Variants in NKAIN1 observed in about 807,000 individuals in gnomAD.
The protein encoded by NKAIN1 is sodium/potassium transporting ATPase interacting 1, also known as sodium/potassium-transporting ATPase subunit beta-1-interacting protein 1.
NKAIN1 carries 13 observed loss-of-function variants against 31.6 expected under a neutral mutation model. The ratio of observed to expected loss-of-function variants is 0.41; its 90% confidence interval spans 0.27 to 0.65. The LOEUF is 0.65. Ranked by LOEUF, NKAIN1 falls within the 30% of genes least tolerant of loss-of-function variation. The probability of loss-of-function intolerance (pLI) is 0.30; values close to 1 mark genes in which losing one functional copy is unlikely to be tolerated. For missense variants in NKAIN1, 193 were observed against 262.2 expected, an observed-to-expected ratio of 0.74 and a Z score of 1.82; for synonymous variants, 104 against 109.0, an observed-to-expected ratio of 0.95 and a Z score of 0.28.
chr1:31,218,068 C>CTTTCTTTCTTTCTTTCTTTCTTTCT (rs71569970), intron 1 of NKAIN1, among the ~76,000 whole-genome samples: 1 of 132,936 alleles, frequency 7.5e-6, no homozygotes, highest in African/African-American at 2.9e-5. Context: ...TTCTTTCTTT[C>CTTTCTTTCTTTCTTTCTTTCTTTCT]TTTTTTTTTT....
intron 1 of NKAIN1, among the ~76,000 whole-genome samples, chr1:31,208,079 G>C (rs1293666092): frequency 6.6e-6 from 1 of 152,126 alleles, no homozygotes; most frequent in Non-Finnish European, 1.5e-5. Flanking sequence ...ACTGGAACTG[G>C]AAACTCTCCC....
intron 1 of NKAIN1, among the ~76,000 whole-genome samples, chr1:31,206,922 A>C (rs1645429491): frequency 6.6e-6 from 1 of 152,008 alleles, no homozygotes; most frequent in Non-Finnish European, 1.5e-5. Context: ...TTTTGTAGAG[A>C]TGGGGTTTCG....
intron 1 of NKAIN1, among the ~76,000 whole-genome samples, chr1:31,227,933 C>T: frequency 6.6e-6 from 1 of 152,272 alleles, no homozygotes; most frequent in South Asian, 2.1e-4. Context: ...CTTCCTGTCC[C>T]CCTGGCCAGC....
chr1:31,217,674 C>T (rs1235252186), intron 1 of NKAIN1, among the ~76,000 whole-genome samples: 1 of 152,212 alleles, frequency 6.6e-6, no homozygotes, highest in African/African-American at 2.4e-5. Context: ...GAATTACACG[C>T]CCAGTCTCCA....
intron 1 of NKAIN1, among the ~76,000 whole-genome samples, chr1:31,230,816 G>A (rs573007118): frequency 6.6e-6 from 1 of 152,082 alleles, no homozygotes; most frequent in African/African-American, 2.4e-5. Flanking sequence ...CGTCACATCA[G>A]GGTAAATCAA....
At chr1:31,230,696 G>C (rs974011197) in intron 1 of NKAIN1, among the ~76,000 whole-genome samples, 1 of 152,046 alleles carries the variant, frequency 6.6e-6, no homozygotes, top group African/African-American at 2.4e-5. Flanking sequence ...CCTGGATCTA[G>C]TGTTCAATTT....
chr1:31,188,421 C>T, intron 1 of NKAIN1: 1 of 490,372 alleles, frequency 2.0e-6, no homozygotes, highest in Non-Finnish European at 3.6e-6. Flanking sequence ...TTCCTCCCTG[C>T]CAAGGAGGCC....
chr1:31,213,589 A>C (rs922381215), intron 1 of NKAIN1, among the ~76,000 whole-genome samples: 8 of 152,362 alleles, frequency 5.3e-5, no homozygotes, highest in Admixed American at 3.9e-4. Flanking sequence ...ACACCTGAGA[A>C]GTGAAAACAA....
chr1:31,226,499 T>A (rs1449543674), intron 1 of NKAIN1, among the ~76,000 whole-genome samples: 1 of 150,910 alleles, frequency 6.6e-6, no homozygotes, highest in African/African-American at 2.4e-5. Flanking sequence ...CGGGGCTCCA[T>A]GGTATGTGCT....
intron 1 of NKAIN1, among the ~76,000 whole-genome samples, chr1:31,230,553 A>T (rs1373740309): frequency 2.6e-5 from 4 of 152,136 alleles, no homozygotes; most frequent in Admixed American, 2.6e-4. Context: ...CTCTAGGGGA[A>T]GTTTGCTTTG....
Position 31,220,110 on chromosome 1 carries a change from C to A in NKAIN1, c.54+19384G>T, listed in dbSNP as rs554011251. On this transcript the variant is annotated intron_variant, in intron 1 of 6. Coordinates refer to ENST00000373736, the MANE Select transcript of NKAIN1 (RefSeq NM_024522.3). ...GCAACCTCTGCCTCCCGGGTTCAAG[C>A]AATTCTCATGCCTCAGCCACCTGAG... Among the ~76,000 whole-genome samples, 509 of 149,306 alleles carry A rather than the reference C, an allele frequency of 3.4e-3. 2 individuals are homozygous for A. Among genetic ancestry groups the A allele is most frequent in the African/African-American group, 0.012 (480 of 40,552 alleles).
Position 31,188,044 on chromosome 1 carries a change from C to A in NKAIN1, c.192+6G>T. ...TTGGCTTGGGAAGGGGCTAGGTGAG[C>A]CGTACCAGGATGAGGTACCGGGAGC... On this transcript the variant is annotated splice_donor_region_variant and intron_variant, in intron 2 of 6. Coordinates refer to ENST00000373736, the MANE Select transcript of NKAIN1 (RefSeq NM_024522.3). 6.4e-7 allele frequency: 1 copy of A among 1,551,992 alleles called. No individual in the cohort carries two copies. The highest frequency in any genetic ancestry group is 8.7e-7 in the Non-Finnish European group (1 of 1,147,256).
At position 31,225,033 on chromosome 1, in the gene NKAIN1, C is replaced by CTTTTCTTTTTTTTTTTTTTTTTTTTTTTT. The variant is rs542671307; in HGVS notation, c.54+14460_54+14461insAAAAAAAAAAAAAAAAAAAAAAAAGAAAA. ...AGCCCATTTCTTTTTCTTTTCTTTT[C>CTTTTCTTTTTTTTTTTTTTTTTTTTTTTT]TTTTTTTTTTTTTGAGACGGACTCT... On this transcript the variant is annotated intron_variant, in intron 1 of 6. Transcript: ENST00000373736. Among the ~76,000 whole-genome samples the CTTTTCTTTTTTTTTTTTTTTTTTTTTTTT allele has an allele frequency of 6.6e-4, 74 of 112,102 alleles. 5 individuals carry two copies. The highest frequency in any genetic ancestry group is 9.1e-4 in the Non-Finnish European group (53 of 58,474). 73.5% of individuals were successfully genotyped at this position (112,102 alleles called of 152,430 possible). A position where few individuals can be genotyped will look rare whatever the true frequency, so the allele number is the denominator to read the frequency against.
At chr1:31,195,462 C>T (rs1029236864) in intron 1 of NKAIN1, among the ~76,000 whole-genome samples, 9 of 151,898 alleles carry the variant, frequency 5.9e-5, no homozygotes, top group Non-Finnish European at 8.8e-5. Context: ...CCTGCCCTGC[C>T]GCCGCGGCTG....
At chr1:31,220,565 G>C (rs1249675681) in intron 1 of NKAIN1, among the ~76,000 whole-genome samples, 1 of 151,812 alleles carries the variant, frequency 6.6e-6, no homozygotes, top group African/African-American at 2.4e-5. Context: ...GACCAGCCTG[G>C]CCAACATGGC....
Position 31,239,557 on chromosome 1 carries a change from G to A in NKAIN1, c.-10C>T, listed in dbSNP as rs1411036967. The A allele has an allele frequency of 6.3e-5, 78 of 1,240,454 alleles. No homozygotes were observed. The highest frequency in any genetic ancestry group is 7.6e-5 in the Non-Finnish European group (75 of 991,902). 76.8% of individuals were successfully genotyped at this position (1,240,454 alleles called of 1,614,324 possible). ...CGCTGCACTTGCCCATGGCTCCGGG[G>A]GCTGCGCGGGCCGCACGCCGCGGCG... On this transcript the variant is annotated 5_prime_UTR_variant, in exon 1 of 7. Transcript: ENST00000373736. This position sits in a 1 kb window ranked among gnomAD's most constrained non-coding sequence, Gnocchi z 4.8.
chr1:31,238,675 A>G (rs1645709741), intron 1 of NKAIN1, among the ~76,000 whole-genome samples: 1 of 152,140 alleles, frequency 6.6e-6, no homozygotes, highest in South Asian at 2.1e-4. Flanking sequence ...TAGGGCACCC[A>G]AGTGTCCCCA....
chr1:31,193,056 ATTATTTATTTTTTTATTTTT>A (rs1365992616), intron 1 of NKAIN1, among the ~76,000 whole-genome samples: 1 of 98,660 alleles, frequency 1.0e-5, no homozygotes, highest in Non-Finnish European at 3.0e-5. Flanking sequence ...ATTTTATTTT[ATTATTTATTTTTTTATTTTT>A]TTATTTTTTT....
Position 31,182,607 on chromosome 1 carries a change from C to T in NKAIN1, c.472-17G>A, listed in dbSNP as rs757224396. ...GCCGAACAGCTGGGAGTGGAGATGA[C>T]ACGTCAGGGAGGAAGGAGGAGTGGG... is the stretch of plus-strand genomic sequence containing the variant. On this transcript the variant is annotated splice_polypyrimidine_tract_variant and intron_variant, in intron 4 of 6. Transcript: ENST00000373736. The T allele has an allele frequency of 1.2e-6, 2 of 1,613,986 alleles. No homozygotes were observed. The highest frequency in any genetic ancestry group is 2.2e-5 in the South Asian group (2 of 91,054).
Sources: allele counts gnomAD v4.1 joint callset (sites outside exome capture counted in the v4.1 genomes callset), GRCh38; gene constraint gnomAD v4.1.1; non-coding constraint Gnocchi (gnomAD v3.1); transcripts MANE v1.5; gene names NCBI Gene and HGNC (gene_info 2026-07-23, HGNC 2026-07-21).